ASL: variants seen among roughly 807,000 people sequenced by gnomAD.
The protein encoded by ASL is argininosuccinase.
In ASL, 51 loss-of-function variants were observed where a neutral mutation model predicts 69.1. The observed-to-expected ratio is 0.74, with a 90% CI of 0.59 to 0.93. The LOEUF is 0.93. Ranked by LOEUF, ASL falls within the 40% of genes least tolerant of loss-of-function variation. The pLI is 0.00. For missense variants in ASL, 540 were observed against 623.9 expected, an observed-to-expected ratio of 0.87 and a Z score of 1.43; for synonymous variants, 241 against 247.6, an observed-to-expected ratio of 0.97 and a Z score of 0.25.
intron 2 of ASL, among the ~76,000 whole-genome samples, chr7:66,080,665 A>C (rs937535357): frequency 5.3e-5 from 8 of 152,320 alleles, no homozygotes; most frequent in African/African-American, 1.9e-4. Flanking sequence ...TGGAGGTTGC[A>C]GTGAGCCGAG....
rs1211112295 is a variant in ASL, at chr7:66,092,871, A to T, written c.1354A>T (p.Ile452Phe). Reference protein sequence around the residue: ...GTARSSVDWQIRQVRALLQAQ... With the variant: ...GTARSSVDWQFRQVRALLQAQ... Reference sequence around the variant, plus strand: ...TGCGCGCTCCAGCGTCGACTGGCAGATCCGCCAGGTGCGGGCGCTACTGCA... The same window carrying T: ...TGCGCGCTCCAGCGTCGACTGGCAGTTCCGCCAGGTGCGGGCGCTACTGCA... The change falls in exon 17 of 17, where the codon ATC becomes TTC. Residue 452 changes from isoleucine (I) to phenylalanine (F), a missense_variant. Coordinates refer to ENST00000304874, the MANE Select transcript of ASL (RefSeq NM_000048.4). 4 of 1,612,022 alleles carry T rather than the reference A, an allele frequency of 2.5e-6. No homozygotes were observed. Among genetic ancestry groups the T allele is most frequent in the African/African-American group, 1.3e-5 (1 of 74,930 alleles).
intron 6 of ASL, among the ~76,000 whole-genome samples, chr7:66,085,334 TG>T (rs1786627756): frequency 6.6e-6 from 1 of 151,954 alleles, no homozygotes; most frequent in Non-Finnish European, 1.5e-5. Context: ...CAAAATTAGC[TG>T]GGTGTGATGG....
intron 2 of ASL, among the ~76,000 whole-genome samples, chr7:66,077,600 G>A: frequency 6.6e-6 from 1 of 151,808 alleles, no homozygotes; most frequent in Non-Finnish European, 1.5e-5. Flanking sequence ...GTAGTGGTGG[G>A]TGCCTGTAGT....
chr7:66,079,745 A>T (rs1478133540), intron 2 of ASL, among the ~76,000 whole-genome samples: 1 of 151,948 alleles, frequency 6.6e-6, no homozygotes, highest in African/African-American at 2.4e-5. Flanking sequence ...TCAGCCTCCT[A>T]AGTAGCTGGA....
In ASL at chr7:66,088,931, G is replaced by A. The variant is rs544134586; in HGVS notation, c.833+10G>A. The stretch of plus-strand genomic sequence containing the variant: ...TCTCAGATGCCTACAGGTAAGCCCT[G>A]AACTGCCACCTCCATCTGCCGCTGC... On this transcript the variant is annotated intron_variant, in intron 11 of 16. Coordinates refer to ENST00000304874, the MANE Select transcript of ASL (RefSeq NM_000048.4). 5.0e-6 allele frequency: 8 copies of A among 1,613,092 alleles called. No individual in the cohort carries two copies. The South Asian group carries it at 8.8e-5, about 18-fold the overall frequency.
intron 4 of ASL, 82 bp from the exon 5 acceptor site, chr7:66,082,798 G>C: frequency 6.4e-7 from 1 of 1,564,320 alleles, no homozygotes; most frequent in Admixed American, 1.7e-5. Context: ...TAGGTTGGCA[G>C]GGCTGATGAG....
intron 8 of ASL, 113 bp downstream of exon 8, chr7:66,086,934 A>C: frequency 3.3e-5 from 42 of 1,268,098 alleles, no homozygotes; most frequent in Non-Finnish European, 4.3e-5. Flanking sequence ...TTATCTGCTC[A>C]GCGGGGGACT....
At chr7:66,088,078 T>C (rs1402466350) in intron 10 of ASL, among the ~76,000 whole-genome samples, 3 of 151,422 alleles carry the variant, frequency 2.0e-5, no homozygotes, top group African/African-American at 7.3e-5. Flanking sequence ...GGCCAGAGAA[T>C]CACTTGAACC....
chr7:66,086,763 C>G lies in ASL; in HGVS notation c.544C>G (p.Arg182Gly). 3 of 1,603,560 alleles carry G rather than the reference C, an allele frequency of 1.9e-6. No individual in the cohort carries two copies. The highest frequency in any genetic ancestry group is 2.6e-6 in the Non-Finnish European group (3 of 1,175,568). ...WILSHAVALT[R>G]DSERLLEVRK... The stretch of plus-strand genomic sequence containing the variant: ...CCACAGCCACGCCGTGGCACTGACC[C>G]GAGACTCTGAGCGGCTGCTGGAGGT... The change falls in exon 8 of 17, where the codon CGA becomes GGA. Residue 182 changes from arginine (R) to glycine (G), a missense_variant. Transcript: ENST00000304874.
At position 66,075,867 on chromosome 7, in the gene ASL, G is replaced by A. The variant is rs1786329887; in HGVS notation, c.-44+11G>A. On this transcript the variant is annotated intron_variant, in intron 1 of 16. Coordinates refer to ENST00000304874, the MANE Select transcript of ASL (RefSeq NM_000048.4). ...TGCGGCCAGGCGGAGGTGAGTGCGC[G>A]GCGGCCGGATGGGCGGGACGGGCGT... 2 of 575,822 alleles carry A rather than the reference G, an allele frequency of 3.5e-6. No individual in the cohort carries two copies. The highest frequency in any genetic ancestry group is 6.2e-6 in the Non-Finnish European group (2 of 323,736). The allele number at this position is 575,822 out of a possible 1,614,324, so 35.7% of individuals were successfully genotyped here. A position where few individuals can be genotyped will look rare whatever the true frequency, so the allele number is the denominator to read the frequency against.
rs759354845 is a variant in ASL, at chr7:66,083,308, C to G, written c.446+134C>G. On this transcript the variant is annotated intron_variant, in intron 6 of 16. Transcript: ENST00000304874. ...CAGGGGCATCCCAGAACTCCAGGAT[C>G]GAGGCAGAGCAGCCAGGAGTGGGCC... 45 of 937,104 alleles carry G rather than the reference C, an allele frequency of 4.8e-5. No individual in the cohort carries two copies. The Middle Eastern group carries it at 1.3e-3, about 27-fold the overall frequency. 58.0% of individuals were successfully genotyped at this position (937,104 alleles called of 1,614,324 possible). A position where few individuals can be genotyped will look rare whatever the true frequency, so the allele number is the denominator to read the frequency against.
chr7:66,082,547 T>C (rs917615634), intron 4 of ASL, 96 bp downstream of exon 4: 16 of 1,371,428 alleles, frequency 1.2e-5, no homozygotes, highest in East Asian at 7.4e-5. Context: ...TACTTCGCCA[T>C]TGGCAGACAG....
chr7:66,087,639 G>C (rs1432096169), intron 9 of ASL, 90 bp from the exon 10 acceptor site: 9 of 1,435,886 alleles, frequency 6.3e-6, no homozygotes, highest in Non-Finnish European at 8.8e-6. Flanking sequence ...GCCCCACCCT[G>C]ATCAGGGGAG....
In ASL at chr7:66,082,468, C is replaced by A. The variant is rs1052642416; in HGVS notation, c.291+17C>A. On this transcript the variant is annotated intron_variant, in intron 4 of 16. Transcript: ENST00000304874. ...CGCCTGAAGGTACGACCCCTGGAGC[C>A]CCACCGCTTTCCTTGCCTCCCCTCT... 2 of 1,604,900 alleles carry A rather than the reference C, an allele frequency of 1.2e-6. No homozygotes were observed. Among genetic ancestry groups the A allele is most frequent in the African/African-American group, 2.7e-5 (2 of 74,818 alleles).
intron 10 of ASL, 80 bp from the exon 11 acceptor site, chr7:66,088,727 C>T: frequency 2.4e-6 from 3 of 1,265,102 alleles, no homozygotes; most frequent in Admixed American, 3.8e-5. Flanking sequence ...CCCCCCACCG[C>T]CTAACCTCCT....
chr7:66,078,954 G>A (rs1786426291), intron 2 of ASL, among the ~76,000 whole-genome samples: 2 of 151,946 alleles, frequency 1.3e-5, no homozygotes, highest in Non-Finnish European at 1.5e-5. Context: ...CTGTCGCCCA[G>A]GCTGGAGTGC....
intron 2 of ASL, among the ~76,000 whole-genome samples, chr7:66,080,761 T>G (rs1786482426): frequency 6.6e-6 from 1 of 152,110 alleles, no homozygotes; most frequent in African/African-American, 2.4e-5. Flanking sequence ...TACATACCAT[T>G]CCTCTGCCCT....
chr7:66,092,494 A>G, intron 15 of ASL, 63 bp from the exon 16 acceptor site: 1 of 1,434,734 alleles, frequency 7.0e-7, no homozygotes, highest in Non-Finnish European at 9.7e-7. Flanking sequence ...GGGTGCAGGC[A>G]ATGGAGGCAG....
chr7:66,092,849 G>A lies in ASL; in HGVS notation c.1332G>A (p.Ala444=), dbSNP rs1020745415. 2 of 1,613,090 alleles carry A rather than the reference G, an allele frequency of 1.2e-6. No individual in the cohort carries two copies. Among genetic ancestry groups the A allele is most frequent in the Non-Finnish European group, 8.5e-7 (1 of 1,179,990 alleles). Residue 444 remains alanine (A), a synonymous_variant, in exon 17 of 17, where the codon GCG becomes GCA. Coordinates refer to ENST00000304874, the MANE Select transcript of ASL (RefSeq NM_000048.4). ...AGTATGGTGCCCTGGGCGGCACTGC[G>A]CGCTCCAGCGTCGACTGGCAGATCC... ...VEQYGALGGT[A]RSSVDWQIRQ... is the part of the protein sequence containing the mutation.
Sources: gnomAD v4.1 joint callset for allele counts (sites outside exome capture counted in the v4.1 genomes callset) on GRCh38, gnomAD v4.1.1 for gene constraint, MANE v1.5 for transcripts, NCBI Gene and HGNC (gene_info 2026-07-23, HGNC 2026-07-21) for gene names.